CDC42: variants seen among roughly 807,000 people sequenced by gnomAD.
The protein encoded by CDC42 is cell division control protein 42 homolog.
A neutral mutation model predicts 20.8 loss-of-function variants in CDC42; 1 was observed. That is an observed-to-expected ratio of 0.05 (90% CI 0.02 to 0.23). The LOEUF (loss-of-function observed/expected upper bound fraction) is 0.23, where lower values mean the gene tolerates loss of function less well. Among genes scored for constraint, CDC42 ranks in the 10% least tolerant of loss-of-function variants. The probability of loss-of-function intolerance (pLI) is 1.00; values close to 1 mark genes in which losing one functional copy is unlikely to be tolerated. For missense variants in CDC42, 49 were observed against 227.9 expected, an observed-to-expected ratio of 0.21 and a Z score of 5.05; for synonymous variants, 72 against 84.8, an observed-to-expected ratio of 0.85 and a Z score of 0.83.
In CDC42 at chr1:22,093,234, A is replaced by G. The variant is rs1220350323; in HGVS notation, c.*1717A>G. ...AGCTCACTGCTCATGGTGGAAGGAA[A>G]TGTCAGTGTACCTTTAATCCATAGA... On this transcript the variant is annotated 3_prime_UTR_variant, in exon 6 of 6. Coordinates refer to ENST00000656825, the MANE Select transcript of CDC42 (RefSeq NM_001791.4). 6.6e-6 allele frequency among the ~76,000 whole-genome samples: 1 copy of G among 152,170 alleles called. No individual in the cohort carries two copies. Among genetic ancestry groups the G allele is most frequent in the East Asian group, 1.9e-4 (1 of 5,198 alleles).
chr1:22,076,448 CACA>C (rs1645551341), intron 1 of CDC42, among the ~76,000 whole-genome samples: 1 of 151,852 alleles, frequency 6.6e-6, no homozygotes, highest in African/African-American at 2.4e-5. Context: ...CACACACACA[CACA>C]ACAAGCAGGG....
At position 22,096,322 on chromosome 1, in the gene CDC42, G is replaced by A. The variant is rs1645758340; in HGVS notation, c.*4805G>A. ...AATAGGTTTTTTTAAAGCAATTAAG[G>A]CACTGAGGATATACAGAGAGTAAAA... On this transcript the variant is annotated 3_prime_UTR_variant, in exon 6 of 6. Coordinates refer to ENST00000656825, the MANE Select transcript of CDC42 (RefSeq NM_001791.4). 6.6e-6 allele frequency among the ~76,000 whole-genome samples: 1 copy of A among 152,026 alleles called. No homozygotes were observed. Among genetic ancestry groups the A allele is most frequent in the Non-Finnish European group, 1.5e-5 (1 of 68,020 alleles).
chr1:22,062,357 T>C (rs908323117), intron 1 of CDC42, among the ~76,000 whole-genome samples: 7 of 152,232 alleles, frequency 4.6e-5, no homozygotes, highest in Admixed American at 2.6e-4. Flanking sequence ...GTTTGTTTTG[T>C]AGTTGGCATC....
In CDC42 at chr1:22,095,496, C is replaced by T. The variant is rs2124064151; in HGVS notation, c.*3979C>T. On this transcript the variant is annotated 3_prime_UTR_variant, in exon 6 of 6. Transcript: ENST00000656825. ...ATGTTAGCCAGGATGGTCTCGATCT[C>T]CTGACCTCGTGATCCGCCCGCCTTG... is the stretch of plus-strand genomic sequence containing the variant. 6.6e-6 allele frequency among the ~76,000 whole-genome samples: 1 copy of T among 152,246 alleles called. No individual in the cohort carries two copies. Among genetic ancestry groups the T allele is most frequent in the South Asian group, 2.1e-4 (1 of 4,822 alleles).
chr1:22,081,848 C>G (rs1030938847), intron 3 of CDC42, 54 bp downstream of exon 3: 56 of 1,161,308 alleles, frequency 4.8e-5, no homozygotes, highest in Non-Finnish European at 8.9e-6. Flanking sequence ...TGCTAGTTGT[C>G]TGTCTCTTGT....
chr1:22,072,092 T>C (rs1364137173), intron 1 of CDC42, among the ~76,000 whole-genome samples: 10 of 2,968 alleles, frequency 3.4e-3, no homozygotes, highest in African/African-American at 9.0e-3. Flanking sequence ...TTTACTTACC[T>C]TTTTTTTTTT....
intron 1 of CDC42, among the ~76,000 whole-genome samples, chr1:22,075,266 G>A (rs1016895519): frequency 6.6e-6 from 1 of 152,144 alleles, no homozygotes; most frequent in Non-Finnish European, 1.5e-5. Context: ...CAAATGCTTT[G>A]CAGAATAGTC....
intron 3 of CDC42, among the ~76,000 whole-genome samples, chr1:22,085,227 G>T (rs375541825): frequency 2.3e-4 from 2 of 8,512 alleles, no homozygotes; most frequent in Non-Finnish European, 4.7e-4. Context: ...GTGAGACTCT[G>T]TCTAAAAAAA....
intron 1 of CDC42, among the ~76,000 whole-genome samples, chr1:22,067,748 T>C (rs959164333): frequency 3.3e-5 from 5 of 152,298 alleles, no homozygotes; most frequent in East Asian, 3.9e-4. Flanking sequence ...ATGAGGGGAC[T>C]CTGCCCTCTG....
intron 5 of CDC42, 25 bp from the exon 6 acceptor site, chr1:22,091,403 A>T: frequency 6.7e-7 from 1 of 1,500,176 alleles, no homozygotes; most frequent in African/African-American, 1.4e-5. Context: ...CAGACCGCCC[A>T]TTTTTTCTTT....
At chr1:22,081,117 C>T (rs16826495) in intron 2 of CDC42, among the ~76,000 whole-genome samples, 5 of 152,166 alleles carry the variant, frequency 3.3e-5, no homozygotes, top group Non-Finnish European at 5.9e-5. Context: ...TGCAGTGAGC[C>T]GAGACCATGC....
rs1054957890 is a variant in CDC42, at chr1:22,062,942, C to A, written c.-51+10200C>A. ...CCTCCATTTCAATCTTAGATTATTA[C>A]CCTAGTTTCTTAGCTGACTTCCTTG... On this transcript the variant is annotated intron_variant, in intron 1 of 5. Coordinates refer to ENST00000656825, the MANE Select transcript of CDC42 (RefSeq NM_001791.4). Among the ~76,000 whole-genome samples the A allele has an allele frequency of 3.3e-5, 5 of 152,056 alleles. No individual in the cohort carries two copies. The East Asian group carries it at 9.7e-4, about 29-fold the overall frequency.
chr1:22,064,582 C>T (rs887516161), intron 1 of CDC42, among the ~76,000 whole-genome samples: 2 of 152,162 alleles, frequency 1.3e-5, no homozygotes, highest in Admixed American at 6.6e-5. Flanking sequence ...TGAGCCACTG[C>T]GCCTGGCCTT....
At chr1:22,083,328 C>T (rs558399113) in intron 3 of CDC42, among the ~76,000 whole-genome samples, 17 of 151,966 alleles carry the variant, frequency 1.1e-4, no homozygotes, top group Admixed American at 9.8e-4. Flanking sequence ...TAAGGCCAGG[C>T]GCGGTGGCTC....
At chr1:22,085,714 G>T (rs1436708891) in intron 3 of CDC42, among the ~76,000 whole-genome samples, 3 of 152,108 alleles carry the variant, frequency 2.0e-5, no homozygotes, top group African/African-American at 7.2e-5. Flanking sequence ...GGCTTTATCA[G>T]TTTCAGATAC....
intron 2 of CDC42, chr1:22,078,920 T>G (rs1462783516): frequency 7.6e-5 from 84 of 1,100,390 alleles, no homozygotes; most frequent in Non-Finnish European, 9.0e-5. Context: ...TTTGGCCAAT[T>G]ATTGATCAGT....
chr1:22,100,314 A>G lies in CDC42; in HGVS notation c.*8797A>G, dbSNP rs1294773133. On this transcript the variant is annotated 3_prime_UTR_variant, in exon 6 of 6. Coordinates refer to ENST00000656825, the MANE Select transcript of CDC42 (RefSeq NM_001791.4). ...TGTATTAGTGATTTCACTTGACCTC[A>G]GTACAACTCTGTAAAAGAGGCAGGG... Among the ~76,000 whole-genome samples, 1 of 152,232 alleles carries G rather than the reference A, an allele frequency of 6.6e-6. No homozygotes were observed. The highest frequency in any genetic ancestry group is 1.5e-5 in the Non-Finnish European group (1 of 68,040).
chr1:22,073,558 TAAAA>T (rs1645516296), intron 1 of CDC42, among the ~76,000 whole-genome samples: 1 of 148,302 alleles, frequency 6.7e-6, no homozygotes, highest in South Asian at 2.1e-4. Flanking sequence ...AAAAGAAAAA[TAAAA>T]AACCTAGAAG....
In CDC42 at chr1:22,056,648, ATTTT is replaced by A. The variant is rs17837932; in HGVS notation, c.-51+3907_-51+3910del. Among the ~76,000 whole-genome samples, 7 of 152,334 alleles carry A rather than the reference ATTTT, an allele frequency of 4.6e-5. No individual in the cohort carries two copies. In the South Asian group the frequency reaches 1.4e-3, roughly 32 times the overall value. ...AGCTACCTCTGCTGCTGCTGCTGCT[ATTTT>A]AAGTCCTGAATGTCAAAACTCTTCT... On this transcript the variant is annotated intron_variant, in intron 1 of 5. Transcript: ENST00000656825.
Sources: gnomAD v4.1 joint callset for allele counts (sites outside exome capture counted in the v4.1 genomes callset) on GRCh38, gnomAD v4.1.1 for gene constraint, MANE v1.5 for transcripts, NCBI Gene and HGNC (gene_info 2026-07-23, HGNC 2026-07-21) for gene names.